The following LTBP1 variants were observed in gnomAD, a reference collection of about 807,000 sequenced individuals.
LTBP1 encodes latent-transforming growth factor beta-binding protein 1.
LTBP1 carries 129 observed loss-of-function variants against 207.6 expected under a neutral mutation model. That is an observed-to-expected ratio of 0.62 (90% CI 0.54 to 0.72). LTBP1 has a LOEUF of 0.72. LTBP1 is among the 30% of genes least tolerant of loss of function. LTBP1 has a pLI of 0.00. For synonymous variants in LTBP1, 963 were observed against 833.7 expected (o/e 1.16, Z -2.67); for missense variants, 2,281 against 2,217.2 (o/e 1.03, Z -0.58).
chr2:33,191,493 C>T (rs1020286099), intron 7 of LTBP1, among the ~76,000 whole-genome samples: 1 of 152,134 alleles, frequency 6.6e-6, no homozygotes, highest in East Asian at 1.9e-4. Context: ...ATTGGTCTTC[C>T]TGTTCATGAG....
intron 3 of LTBP1, among the ~76,000 whole-genome samples, chr2:33,085,057 A>G (rs1156613618): frequency 2.0e-5 from 3 of 152,238 alleles, no homozygotes; most frequent in Non-Finnish European, 2.9e-5. Context: ...CTTAGAAGAC[A>G]CAGAAGAGAA....
rs533171627 is a variant in LTBP1, at chr2:33,390,678, T to TG, written c.4834+1378dup. ...AATTTTTGTATTTTTTCCGTAGAGA[T>TG]GGGGGGTTTCACCATGTTGTCCAGG... On this transcript the variant is annotated intron_variant, in intron 32 of 33. Coordinates refer to ENST00000404816, the MANE Select transcript of LTBP1 (RefSeq NM_206943.4). Among the ~76,000 whole-genome samples the TG allele has an allele frequency of 5.0e-4, 76 of 151,890 alleles. No individual in the cohort carries two copies. The South Asian group carries it at 0.012, about 23-fold the overall frequency.
intron 3 of LTBP1, among the ~76,000 whole-genome samples, chr2:33,108,778 TCC>T (rs2150233971): frequency 6.6e-6 from 1 of 152,252 alleles, no homozygotes; most frequent in African/African-American, 2.4e-5. Context: ...TGCGGAGGAT[TCC>T]TCTTTCCAAG....
intron 5 of LTBP1, among the ~76,000 whole-genome samples, chr2:33,145,723 C>T (rs1234856688): frequency 3.3e-5 from 5 of 151,960 alleles, no homozygotes; most frequent in African/African-American, 7.2e-5. Flanking sequence ...AAAACCATGA[C>T]GCTGTGTGGA....
intron 7 of LTBP1, among the ~76,000 whole-genome samples, chr2:33,213,046 G>C (rs1482206101): frequency 6.6e-6 from 1 of 152,048 alleles, no homozygotes; most frequent in African/African-American, 2.4e-5. Flanking sequence ...CCTTTCCTCA[G>C]TTGATCCTTA....
intron 24 of LTBP1, among the ~76,000 whole-genome samples, chr2:33,338,091 T>C (rs13394170): frequency 0.33 from 50,616 of 152,134 alleles, 9,297 homozygotes; most frequent in Non-Finnish European, 0.41. Flanking sequence ...CCTCACCTCA[T>C]TGTTGAAAAC....
intron 2 of LTBP1, among the ~76,000 whole-genome samples, chr2:32,976,296 G>A (rs566444808): frequency 6.6e-6 from 1 of 152,306 alleles, no homozygotes; most frequent in Non-Finnish European, 1.5e-5. Flanking sequence ...GATGGGGGGT[G>A]CCAGCCAACA....
At chr2:33,362,138 C>A (rs1361141071) in intron 28 of LTBP1, among the ~76,000 whole-genome samples, 1 of 152,122 alleles carries the variant, frequency 6.6e-6, no homozygotes, top group Non-Finnish European at 1.5e-5. Context: ...CCTCATTAAC[C>A]ACTCACTTTT....
chr2:33,261,661 A>G (rs1573489266), intron 13 of LTBP1, among the ~76,000 whole-genome samples: 1 of 152,324 alleles, frequency 6.6e-6, no homozygotes, highest in South Asian at 2.1e-4. Context: ...GGACAGATTA[A>G]TGACTGTGGC....
In LTBP1 at chr2:33,257,445, A is replaced by G. The variant is rs766735078; in HGVS notation, c.2329A>G (p.Lys777Glu). ...KSTHPPPLPAKEEPVEALTFS... is the reference protein window; with the variant it reads ...KSTHPPPLPAEEEPVEALTFS... The stretch of plus-strand genomic sequence containing the variant: ...TACTCATCCTCCACCTCTCCCAGCC[A>G]AGGAAGAGCCAGTGGAGGCCCTGAC... Residue 777 changes from lysine to glutamate, a missense_variant, in exon 12 of 34, where the codon AAG becomes GAG. Lys to Glu is a moderately conservative substitution (Grantham distance 56, BLOSUM62 1). Coordinates refer to ENST00000404816, the MANE Select transcript of LTBP1 (RefSeq NM_206943.4). The G allele has an allele frequency of 2.5e-6, 4 of 1,614,180 alleles. No homozygotes were observed. The Admixed American group carries it at 6.7e-5, about 27-fold the overall frequency.
At chr2:33,172,697 A>G (rs887792418) in intron 5 of LTBP1, among the ~76,000 whole-genome samples, 11 of 152,374 alleles carry the variant, frequency 7.2e-5, no homozygotes, top group African/African-American at 2.4e-4. Context: ...TCAACAGAGT[A>G]TACATCTTTT....
intron 3 of LTBP1, among the ~76,000 whole-genome samples, chr2:33,092,497 C>T (rs2079157410): frequency 6.6e-6 from 1 of 152,228 alleles, no homozygotes; most frequent in Non-Finnish European, 1.5e-5. Flanking sequence ...GTGTTGACAA[C>T]TCCAGACATT....
At chr2:33,006,647 T>C (rs938783968) in intron 2 of LTBP1, among the ~76,000 whole-genome samples, 3 of 138,628 alleles carry the variant, frequency 2.2e-5, no homozygotes, top group Non-Finnish European at 4.8e-5. Flanking sequence ...TCTCCCAAAG[T>C]GCTGGGATTA....
Position 32,972,911 on chromosome 2 carries a change from C to T in LTBP1, c.565+23966C>T, listed in dbSNP as rs190091118. On this transcript the variant is annotated intron_variant, in intron 2 of 33. Coordinates refer to ENST00000404816, the MANE Select transcript of LTBP1 (RefSeq NM_206943.4). Reference sequence around the variant, plus strand: ...TACGTTACCCAGTCTCAGGTAGTATCGTTATAGTGGAGTGAGAACAGACTA... The same window carrying T: ...TACGTTACCCAGTCTCAGGTAGTATTGTTATAGTGGAGTGAGAACAGACTA... Among the ~76,000 whole-genome samples the T allele has an allele frequency of 2.6e-5, 4 of 152,204 alleles. No homozygotes were observed. The East Asian group carries it at 5.8e-4, about 22-fold the overall frequency.
intron 23 of LTBP1, among the ~76,000 whole-genome samples, chr2:33,314,415 G>A (rs2094234695): frequency 6.6e-6 from 1 of 152,024 alleles, no homozygotes; most frequent in Non-Finnish European, 1.5e-5. Flanking sequence ...GCCAGGCATG[G>A]GGCCAGTACC....
chr2:33,222,654 T>G (rs753658271), intron 9 of LTBP1, among the ~76,000 whole-genome samples: 1 of 152,192 alleles, frequency 6.6e-6, no homozygotes, highest in Non-Finnish European at 1.5e-5. Context: ...TGAAATGCCC[T>G]GAGTACTTTT....
chr2:33,277,245 A>G (rs1333948385), intron 18 of LTBP1, among the ~76,000 whole-genome samples: 2 of 152,106 alleles, frequency 1.3e-5, no homozygotes, highest in African/African-American at 4.8e-5. Context: ...TCTAATCTAG[A>G]GAGAAGTGGG....
chr2:33,022,260 A>G (rs1212055775), intron 3 of LTBP1, among the ~76,000 whole-genome samples: 3 of 116,846 alleles, frequency 2.6e-5, no homozygotes, highest in Admixed American at 9.9e-5. Flanking sequence ...TCCCTCCTCA[A>G]TCCTCTTTTT....
intron 19 of LTBP1, among the ~76,000 whole-genome samples, chr2:33,292,096 C>T (rs781461163): frequency 9.9e-5 from 15 of 152,128 alleles, no homozygotes; most frequent in Non-Finnish European, 1.9e-4. Flanking sequence ...TTATTGATAC[C>T]TCACTAGTGT....
Sources: gnomAD v4.1 joint callset for allele counts (sites outside exome capture counted in the v4.1 genomes callset) on GRCh38, gnomAD v4.1.1 for gene constraint, MANE v1.5 for transcripts, NCBI Gene and HGNC (gene_info 2026-07-23, HGNC 2026-07-21) for gene names.